The following MALRD1 variants were observed in gnomAD, a reference collection of about 807,000 sequenced individuals.
MALRD1 encodes MAM and LDL receptor class A domain containing 1.
MALRD1 carries 247 observed loss-of-function variants against 242.1 expected under a neutral mutation model. That is an observed-to-expected ratio of 1.02 (90% CI 0.92 to 1.13). The LOEUF is 1.13. Among genes scored for constraint, MALRD1 ranks in the 50% most tolerant of loss-of-function variants. MALRD1 has a pLI of 0.00. For synonymous variants in MALRD1, 995 were observed against 866.6 expected (o/e 1.15, Z -2.60); for missense variants, 2,989 against 2,533.1 (o/e 1.18, Z -3.86).
chr10:19,393,663 A>G lies in MALRD1; in HGVS notation c.4845+4054A>G, dbSNP rs188415173. Among the ~76,000 whole-genome samples, 656 of 144,418 alleles carry G rather than the reference A, an allele frequency of 4.5e-3. 9 individuals are homozygous for G. The highest frequency in any genetic ancestry group is 0.023 in the East Asian group (112 of 4,914). 94.7% of individuals were successfully genotyped at this position (144,418 alleles called of 152,430 possible). ...AGTAGAGACAGAGTTTCACCATGTT[A>G]GCCAGGATGGTCTCCATCGCCTGAC... On this transcript the variant is annotated intron_variant, in intron 28 of 39. Coordinates refer to ENST00000454679, the MANE Select transcript of MALRD1 (RefSeq NM_001142308.3).
intron 21 of MALRD1, among the ~76,000 whole-genome samples, chr10:19,316,677 A>T (rs1454104774): frequency 2.6e-5 from 4 of 151,786 alleles, no homozygotes; most frequent in Admixed American, 6.6e-5. Flanking sequence ...TGTGGAAACT[A>T]TGAGAAGTCT....
chr10:19,587,251 C>A (rs1837479476), intron 33 of MALRD1, among the ~76,000 whole-genome samples: 3 of 152,176 alleles, frequency 2.0e-5, no homozygotes, highest in Admixed American at 2.0e-4. Flanking sequence ...TGGCTCCTCC[C>A]CTCTTTTGTA....
chr10:19,379,951 A>G (rs1845765560), intron 26 of MALRD1, among the ~76,000 whole-genome samples: 2 of 150,744 alleles, frequency 1.3e-5, no homozygotes, highest in Non-Finnish European at 3.0e-5. Context: ...ATGGATAAAC[A>G]CTGAAGTTTT....
At chr10:19,357,107 C>CT (rs1844670487) in intron 26 of MALRD1, among the ~76,000 whole-genome samples, 1 of 61,286 alleles carries the variant, frequency 1.6e-5, no homozygotes, top group Non-Finnish European at 3.3e-5. Context: ...GAGACTCTGT[C>CT]TGAAAAAAAA....
At chr10:19,454,713 T>TACACACACACACACACAC (rs35489123) in intron 29 of MALRD1, among the ~76,000 whole-genome samples, 1 of 132,330 alleles carries the variant, frequency 7.6e-6, no homozygotes, top group African/African-American at 2.6e-5. Flanking sequence ...CGTGCACACG[T>TACACACACACACACACAC]ACACACACAC....
At chr10:19,629,709 C>G (rs970787885) in intron 36 of MALRD1, among the ~76,000 whole-genome samples, 1 of 152,084 alleles carries the variant, frequency 6.6e-6, no homozygotes, top group Admixed American at 6.6e-5. Flanking sequence ...TGGTGGCGCT[C>G]GAGAGACTGG....
intron 32 of MALRD1, among the ~76,000 whole-genome samples, chr10:19,552,308 A>T (rs7913304): frequency 2.0e-5 from 3 of 152,000 alleles, no homozygotes; most frequent in Admixed American, 2.0e-4. Context: ...TTCAGGGTGT[A>T]TATGTCCAGA....
rs1834600087 is a variant in MALRD1, at chr10:19,719,219, C to CACATATATATAT, written c.6315-11486_6315-11485insCATATATATATA. On this transcript the variant is annotated intron_variant, in intron 38 of 39. Coordinates refer to ENST00000454679, the MANE Select transcript of MALRD1 (RefSeq NM_001142308.3). ...ACATATATATATATATATACACATACATACATATATATATATATATATATA... is the reference window on the plus strand; with the variant it reads ...ACATATATATATATATATACACATACACATATATATATATACATATATATATATATATATATA... Among the ~76,000 whole-genome samples, 2 of 30,308 alleles carry CACATATATATAT rather than the reference C, an allele frequency of 6.6e-5. 1 individual carries two copies. The highest frequency in any genetic ancestry group is 1.7e-4 in the Non-Finnish European group (2 of 11,894). The allele number at this position is 30,308 out of a possible 152,430, so 19.9% of individuals were successfully genotyped here.
At chr10:19,137,896 C>T (rs750193861) in intron 10 of MALRD1, among the ~76,000 whole-genome samples, 10 of 152,158 alleles carry the variant, frequency 6.6e-5, no homozygotes, top group Non-Finnish European at 1.3e-4. Flanking sequence ...GTATCACAAA[C>T]AGGTGGTTTT....
chr10:19,641,605 A>T (rs573665776), intron 36 of MALRD1, among the ~76,000 whole-genome samples: 6 of 152,156 alleles, frequency 3.9e-5, no homozygotes, highest in Admixed American at 2.0e-4. Context: ...AATTATGGAA[A>T]AAACAGGACC....
chr10:19,094,751 C>G (rs1367189356), intron 4 of MALRD1, among the ~76,000 whole-genome samples: 3 of 152,174 alleles, frequency 2.0e-5, no homozygotes, highest in African/African-American at 7.2e-5. Flanking sequence ...GAATAATTGT[C>G]ATATTCATTT....
intron 18 of MALRD1, among the ~76,000 whole-genome samples, chr10:19,240,424 A>G (rs1838710664): frequency 1.3e-5 from 2 of 152,048 alleles, no homozygotes; most frequent in Non-Finnish European, 2.9e-5. Flanking sequence ...ATATCTAGAA[A>G]GAACCTTAAA....
intron 18 of MALRD1, among the ~76,000 whole-genome samples, chr10:19,238,641 T>C (rs1039301248): frequency 3.3e-5 from 4 of 121,086 alleles, no homozygotes; most frequent in Non-Finnish European, 5.4e-5. Context: ...CATATCTGAT[T>C]ATTAGAAATA....
intron 36 of MALRD1, among the ~76,000 whole-genome samples, chr10:19,660,225 G>A (rs1841364316): frequency 6.6e-6 from 1 of 152,092 alleles, no homozygotes; most frequent in African/African-American, 2.4e-5. Context: ...TAATCTGCCA[G>A]ATTTATGATT....
intron 38 of MALRD1, among the ~76,000 whole-genome samples, chr10:19,693,835 G>C (rs1833225977): frequency 6.6e-6 from 1 of 152,140 alleles, no homozygotes; most frequent in African/African-American, 2.4e-5. Flanking sequence ...ATATTACAAG[G>C]CTATAGTGAC....
At chr10:19,384,134 C>A (rs757923876) in intron 26 of MALRD1, among the ~76,000 whole-genome samples, 1 of 150,532 alleles carries the variant, frequency 6.6e-6, no homozygotes, top group Non-Finnish European at 1.5e-5. Flanking sequence ...TGTTGAGCAT[C>A]CTTTCATATA....
chr10:19,723,503 A>G (rs1357902172), intron 38 of MALRD1, among the ~76,000 whole-genome samples: 1 of 152,106 alleles, frequency 6.6e-6, no homozygotes, highest in Non-Finnish European at 1.5e-5. Context: ...GGAGACCAAG[A>G]TGAGAGGATT....
At chr10:19,236,751 G>A (rs940855877) in intron 18 of MALRD1, among the ~76,000 whole-genome samples, 24 of 151,938 alleles carry the variant, frequency 1.6e-4, no homozygotes, top group Non-Finnish European at 3.1e-4. Context: ...TTTCAGATAC[G>A]TTTTTCATTT....
intron 18 of MALRD1, among the ~76,000 whole-genome samples, chr10:19,232,966 G>A (rs917898125): frequency 6.6e-6 from 1 of 152,054 alleles, no homozygotes; most frequent in African/African-American, 2.4e-5. Flanking sequence ...AATTCTTTCT[G>A]CTAGATCCCA....
Sources: allele counts gnomAD v4.1 joint callset (sites outside exome capture counted in the v4.1 genomes callset), GRCh38; gene constraint gnomAD v4.1.1; transcripts MANE v1.5; gene names NCBI Gene and HGNC (gene_info 2026-07-23, HGNC 2026-07-21).